SLC4A5: variants seen among roughly 807,000 people sequenced by gnomAD.
The protein encoded by SLC4A5 is solute carrier family 4 member 5.
Under a neutral mutation model 120.4 loss-of-function variants are expected in SLC4A5, and 96 were observed. The ratio of observed to expected loss-of-function variants is 0.80; its 90% confidence interval spans 0.68 to 0.94. The LOEUF is 0.94. Ranked by LOEUF, SLC4A5 falls within the 40% of genes least tolerant of loss-of-function variation. The probability of loss-of-function intolerance (pLI) is 0.00; values close to 1 mark genes in which losing one functional copy is unlikely to be tolerated. For missense variants in SLC4A5, 1,259 were observed against 1,459.5 expected (o/e 0.86, Z 2.24); for synonymous variants, 550 against 571.1 (o/e 0.96, Z 0.53).
intron 8 of SLC4A5, among the ~76,000 whole-genome samples, chr2:74,282,061 A>C (rs908423654): frequency 3.9e-5 from 6 of 152,158 alleles, no homozygotes; most frequent in African/African-American, 1.4e-4. Context: ...TCAACTGAAG[A>C]AACTGCTATT....
rs142479354 is a variant in SLC4A5 at position 74,222,630 on chromosome 2, C to T, written c.3331+238G>A. ...CTGTCCATATGCAGGATCTAGGTTG[C>T]GTATTCCTTAAGAGAATCTGAGGTG... On this transcript the variant is annotated intron_variant, in intron 29 of 30. Transcript: ENST00000394019. 2.7e-3 allele frequency among the ~76,000 whole-genome samples: 411 copies of T among 152,284 alleles called. 4 individuals carry two copies. Among genetic ancestry groups the T allele is most frequent in the African/African-American group, 9.3e-3 (388 of 41,556 alleles).
Position 74,224,866 on chromosome 2 carries a change from CT to C in SLC4A5, c.3219del (p.Ala1075ProfsTer17), listed in dbSNP as rs1558864722. On this transcript the variant is annotated frameshift_variant, in exon 28 of 31. Coordinates refer to ENST00000394019, the Ensembl canonical transcript of SLC4A5. LOFTEE classifies it high-confidence loss of function. Reference sequence around the variant, plus strand: ...TCCTCATCACAGTCCTCGTGGGCCCCTTTTTTTCTCTTCCTCTTCTTGTCTG... The same window carrying C: ...TCCTCATCACAGTCCTCGTGGGCCCCTTTTTTCTCTTCCTCTTCTTGTCTG... 1 of 1,613,336 alleles carries C rather than the reference CT, an allele frequency of 6.2e-7. No homozygotes were observed. The highest frequency in any genetic ancestry group is 1.7e-5 in the Admixed American group (1 of 59,872).
Position 74,252,036 on chromosome 2 carries a change from T to C in SLC4A5, c.1478+143A>G. ...AACCTTTTGGGGATCCATGATGGGG[T>C]TCAAGGGCTCTGGGAGGGAAAGAAG... On this transcript the variant is annotated intron_variant, in intron 16 of 30. Transcript: ENST00000394019. 4 of 896,940 alleles carry C rather than the reference T, an allele frequency of 4.5e-6. No individual in the cohort carries two copies. In the East Asian group the frequency reaches 7.4e-5, roughly 17 times the overall value. 55.6% of individuals were successfully genotyped at this position (896,940 alleles called of 1,614,324 possible). A position where few individuals can be genotyped will look rare whatever the true frequency, so the allele number is the denominator to read the frequency against.
intron 8 of SLC4A5, among the ~76,000 whole-genome samples, chr2:74,276,228 G>A (rs1288993487): frequency 6.6e-6 from 1 of 152,114 alleles, no homozygotes; most frequent in Non-Finnish European, 1.5e-5. Flanking sequence ...TGCACAAAAA[G>A]CCTAAAATAT....
At chr2:74,328,080 C>A in intron 5 of SLC4A5, 40 bp downstream of exon 5, 4 of 969,460 alleles carry the variant, frequency 4.1e-6, no homozygotes, top group Non-Finnish European at 4.9e-6. Flanking sequence ...ATCTGCATAG[C>A]TCTGTCTACT....
chr2:74,279,713 A>G (rs1047902818), intron 8 of SLC4A5, among the ~76,000 whole-genome samples: 1 of 152,172 alleles, frequency 6.6e-6, no homozygotes, highest in Non-Finnish European at 1.5e-5. Flanking sequence ...CTCATTATCA[A>G]CTGCCCCCAA....
intron 23 of SLC4A5, 25 bp downstream of exon 23, chr2:74,233,377 C>T: frequency 3.1e-6 from 5 of 1,612,816 alleles, no homozygotes; most frequent in Non-Finnish European, 4.2e-6. Flanking sequence ...AGAGGTTATG[C>T]CTCTGCTCCT....
intron 12 of SLC4A5, among the ~76,000 whole-genome samples, chr2:74,258,806 G>C (rs1007668012): frequency 6.6e-6 from 1 of 152,110 alleles, no homozygotes; most frequent in African/African-American, 2.4e-5. Context: ...ATTTGTGCCC[G>C]GGACACTGAC....
intron 23 of SLC4A5, among the ~76,000 whole-genome samples, chr2:74,233,071 A>C (rs962684746): frequency 7.2e-5 from 11 of 152,172 alleles, no homozygotes; most frequent in African/African-American, 2.2e-4. Flanking sequence ...AGGCTAAGGA[A>C]GTTCCTCTGC....
intron 5 of SLC4A5, among the ~76,000 whole-genome samples, chr2:74,321,130 A>G (rs1421611558): frequency 2.6e-5 from 4 of 152,180 alleles, no homozygotes; most frequent in Non-Finnish European, 5.9e-5. Context: ...AATATTTTGA[A>G]TATCACCACT....
At chr2:74,260,078 T>C (rs1231384893) in intron 11 of SLC4A5, among the ~76,000 whole-genome samples, 1 of 152,174 alleles carries the variant, frequency 6.6e-6, no homozygotes, top group African/African-American at 2.4e-5. Flanking sequence ...GGTGAGAGTC[T>C]TCAAACATGG....
chr2:74,330,203 G>C (rs953668115), intron 4 of SLC4A5, among the ~76,000 whole-genome samples: 1 of 151,632 alleles, frequency 6.6e-6, no homozygotes, highest in African/African-American at 2.4e-5. Flanking sequence ...ATAGGTGTAG[G>C]TGATGAGGTA....
chr2:74,299,686 C>T lies in SLC4A5; in HGVS notation c.271+4803G>A, dbSNP rs77026787. Among the ~76,000 whole-genome samples the T allele has an allele frequency of 3.4e-3, 516 of 152,270 alleles. 7 individuals carry two copies. Among genetic ancestry groups the T allele is most frequent in the African/African-American group, 0.011 (450 of 41,538 alleles). ...AACCATAGTGAGATGTCACCCCATACCTGTTAGAATGGCTACAAAAAGCAA... is the reference window on the plus strand; with the variant it reads ...AACCATAGTGAGATGTCACCCCATATCTGTTAGAATGGCTACAAAAAGCAA... On this transcript the variant is annotated intron_variant, in intron 7 of 30. Coordinates refer to ENST00000394019, the Ensembl canonical transcript of SLC4A5.
chr2:74,249,002 A>G (rs1670706971), intron 17 of SLC4A5, among the ~76,000 whole-genome samples: 1 of 152,060 alleles, frequency 6.6e-6, no homozygotes. Context: ...GGGTTTCTCA[A>G]CCTCGGCACA....
intron 7 of SLC4A5, among the ~76,000 whole-genome samples, chr2:74,292,046 G>A (rs935898869): frequency 6.6e-6 from 1 of 152,152 alleles, no homozygotes; most frequent in African/African-American, 2.4e-5. Context: ...CTAGCAGTAG[G>A]ATCCTGGCAA....
intron 3 of SLC4A5, among the ~76,000 whole-genome samples, chr2:74,335,690 T>G (rs547775694): frequency 6.6e-6 from 1 of 152,300 alleles, no homozygotes; most frequent in South Asian, 2.1e-4. Flanking sequence ...CAGCACTGTC[T>G]GATCAAAAGA....
At chr2:74,250,423 T>C (rs747047304) in exon 17 of SLC4A5, 2 of 1,614,096 alleles carry the variant, frequency 1.2e-6, no homozygotes, top group Non-Finnish European at 1.7e-6. Flanking sequence ...ATGAATAGGA[T>C]GGCAGAGATG....
At chr2:74,217,540 C>T (rs1694484548) in exon 31 of SLC4A5, 1 of 152,144 alleles carries the variant, frequency 6.6e-6, no homozygotes, top group African/African-American at 2.4e-5. Flanking sequence ...TGGGAATAAA[C>T]ATTGAAAATT....
intron 6 of SLC4A5, among the ~76,000 whole-genome samples, chr2:74,314,113 T>C (rs917977320): frequency 7.9e-5 from 12 of 152,212 alleles, no homozygotes; most frequent in African/African-American, 2.4e-4. Flanking sequence ...TCAGAGGAGA[T>C]GGCTGTCAAA....
Sources: gnomAD v4.1 joint callset for allele counts (sites outside exome capture counted in the v4.1 genomes callset) on GRCh38, gnomAD v4.1.1 for gene constraint, MANE v1.5 for transcripts, NCBI Gene and HGNC (gene_info 2026-07-23, HGNC 2026-07-21) for gene names.